Variants in OVOL2 observed in about 807,000 individuals in gnomAD.
The protein encoded by OVOL2 is ovo like zinc finger 2.
OVOL2 carries 13 observed loss-of-function variants against 18.1 expected under a neutral mutation model. The ratio of observed to expected loss-of-function variants is 0.72; its 90% CI spans 0.47 to 1.14. The LOEUF is 1.14. OVOL2 is among the 50% of genes most tolerant of loss of function. The probability of loss-of-function intolerance (pLI) is 0.00; values close to 1 mark genes in which losing one functional copy is unlikely to be tolerated. For missense variants in OVOL2, 335 were observed against 383.0 expected (o/e 0.87, Z 1.05); for synonymous variants, 166 against 162.7 (o/e 1.02, Z -0.16).
intron 2 of OVOL2, among the ~76,000 whole-genome samples, chr20:18,045,512 G>A (rs1200357727): frequency 6.6e-6 from 1 of 152,118 alleles, no homozygotes; most frequent in Non-Finnish European, 1.5e-5. Context: ...ATCTCAAATC[G>A]TCGGTATTAT....
At chr20:18,043,525 AT>A (rs1256879862) in intron 2 of OVOL2, among the ~76,000 whole-genome samples, 1 of 152,166 alleles carries the variant, frequency 6.6e-6, no homozygotes, top group African/African-American at 2.4e-5. Flanking sequence ...ATAAAGCCTG[AT>A]TGGACTCTCC....
At chr20:18,054,558 C>T (rs2036799458) in intron 2 of OVOL2, among the ~76,000 whole-genome samples, 1 of 152,092 alleles carries the variant, frequency 6.6e-6, no homozygotes, top group South Asian at 2.1e-4. Flanking sequence ...GGCTGACCAA[C>T]ATGGAGAAAC....
At chr20:18,039,074 T>C (rs1180113027) in intron 3 of OVOL2, among the ~76,000 whole-genome samples, 1 of 152,164 alleles carries the variant, frequency 6.6e-6, no homozygotes, top group Non-Finnish European at 1.5e-5. Context: ...TGGGATTCCA[T>C]TTACATCAAG....
chr20:18,028,358 G>C (rs1055630262), intron 3 of OVOL2, among the ~76,000 whole-genome samples: 2 of 151,710 alleles, frequency 1.3e-5, no homozygotes, highest in African/African-American at 4.8e-5. Context: ...TTTATTTTTA[G>C]TAGAGAAGGG....
intron 3 of OVOL2, among the ~76,000 whole-genome samples, chr20:18,031,198 C>T (rs2122693040): frequency 6.6e-6 from 1 of 152,332 alleles, no homozygotes; most frequent in South Asian, 2.1e-4. Context: ...GGATCTGCTG[C>T]TTATTAACTG....
chr20:18,052,192 G>T (rs564104227), intron 2 of OVOL2, among the ~76,000 whole-genome samples: 1 of 152,196 alleles, frequency 6.6e-6, no homozygotes, highest in South Asian at 2.1e-4. Context: ...AGACTGTTGG[G>T]GACTCTACAA....
At chr20:18,049,559 C>G (rs900977884) in intron 2 of OVOL2, among the ~76,000 whole-genome samples, 4 of 150,366 alleles carry the variant, frequency 2.7e-5, no homozygotes, top group South Asian at 2.1e-4. Context: ...ATTCCCCCCC[C>G]GATCCTATGT....
chr20:18,041,339 A>C (rs975014295), intron 3 of OVOL2, among the ~76,000 whole-genome samples, 195 bp downstream of exon 3: 2 of 151,780 alleles, frequency 1.3e-5, no homozygotes, highest in Admixed American at 1.3e-4. Context: ...ATTTTTTTGT[A>C]TTTTTAGTAG....
At chr20:18,036,928 A>C (rs981873076) in intron 3 of OVOL2, among the ~76,000 whole-genome samples, 1 of 152,020 alleles carries the variant, frequency 6.6e-6, no homozygotes, top group African/African-American at 2.4e-5. Flanking sequence ...CGAGGTCAGG[A>C]GATCGAGACC....
At position 18,037,135 on chromosome 20, in the gene OVOL2, C is replaced by CAA. The variant is rs762848266; in HGVS notation, c.511+4397_511+4398dup. Among the ~76,000 whole-genome samples the CAA allele has an allele frequency of 5.3e-3, 390 of 73,342 alleles. 6 individuals carry two copies. Among genetic ancestry groups the CAA allele is most frequent in the African/African-American group, 0.017 (361 of 21,600 alleles). The allele number at this position is 73,342 out of a possible 152,430, so 48.1% of individuals were successfully genotyped here. On this transcript the variant is annotated intron_variant, in intron 3 of 3. Transcript: ENST00000278780. ...TGGGCGACAGAGCGAGACTCCGTCT[C>CAA]AAAAAAAAAAAAAAAAAAGAAAGAA... is the stretch of plus-strand genomic sequence containing the variant.
Position 18,024,930 on chromosome 20 carries a change from G to A in OVOL2, c.534C>T (p.Asn178=), listed in dbSNP as rs143621551. The part of the protein sequence containing the change: ...THTGIRPYKC[N]VCNKAFTQRC... ...GCTGGGTGAAGGCTTTATTGCAGAC[G>A]TTGCATTTGTAGGGACGAATGCCTG... The change falls in exon 4 of 4, where the codon AAC becomes AAT. Residue 178 remains asparagine (N), a synonymous_variant. Transcript: ENST00000278780. 146 of 1,612,464 alleles carry A rather than the reference G, an allele frequency of 9.1e-5. No homozygotes were observed. In the African/African-American group the frequency reaches 1.6e-3, roughly 18 times the overall value.
At chr20:18,036,860 G>C (rs889275350) in intron 3 of OVOL2, among the ~76,000 whole-genome samples, 9 of 152,166 alleles carry the variant, frequency 5.9e-5, no homozygotes, top group Non-Finnish European at 1.3e-4. Flanking sequence ...CAACAGGCCG[G>C]GCGCGGTGGC....
At chr20:18,037,830 G>T (rs2036631123) in intron 3 of OVOL2, among the ~76,000 whole-genome samples, 1 of 152,130 alleles carries the variant, frequency 6.6e-6, no homozygotes, top group African/African-American at 2.4e-5. Flanking sequence ...GCTTTTATTG[G>T]CTGTCTTCCC....
intron 3 of OVOL2, among the ~76,000 whole-genome samples, chr20:18,040,341 G>A (rs557956596): frequency 3.7e-4 from 57 of 152,278 alleles, no homozygotes; most frequent in African/African-American, 1.3e-3. Context: ...GAGATGGGCT[G>A]ATCTGAGGTG....
chr20:18,034,159 C>T (rs967687668), intron 3 of OVOL2, among the ~76,000 whole-genome samples: 1 of 152,128 alleles, frequency 6.6e-6, no homozygotes, highest in Admixed American at 6.6e-5. Flanking sequence ...AGTGCATGTC[C>T]CCAGCTGTCG....
intron 3 of OVOL2, among the ~76,000 whole-genome samples, chr20:18,027,517 G>A (rs189842939): frequency 1.9e-4 from 23 of 119,506 alleles, no homozygotes; most frequent in African/African-American, 7.1e-4. Flanking sequence ...AACAGAGCGC[G>A]ACTCCGTCTC....
upstream of OVOL2, chr20:18,057,947 G>C: frequency 8.8e-7 from 1 of 1,138,216 alleles, no homozygotes; most frequent in Non-Finnish European, 1.1e-6. This position sits in a 1 kb window ranked among gnomAD's most constrained non-coding sequence, Gnocchi z 6.3. Context: ...CAACATAACG[G>C]TGTCAACAAG....
chr20:18,047,557 G>T (rs1246209122), intron 2 of OVOL2, among the ~76,000 whole-genome samples: 1 of 147,130 alleles, frequency 6.8e-6, no homozygotes, highest in African/African-American at 2.5e-5. Context: ...CTGTCTCTTA[G>T]AAATAAATGA....
At chr20:18,026,617 G>A (rs2036520734) in intron 3 of OVOL2, among the ~76,000 whole-genome samples, 1 of 152,126 alleles carries the variant, frequency 6.6e-6, no homozygotes, top group Non-Finnish European at 1.5e-5. Context: ...TCCTGACCTT[G>A]TGATCTGCCC....
Sources: gnomAD v4.1 joint callset for allele counts (sites outside exome capture counted in the v4.1 genomes callset) on GRCh38, gnomAD v4.1.1 for gene constraint, Gnocchi (gnomAD v3.1) non-coding constraint, MANE v1.5 for transcripts, NCBI Gene and HGNC (gene_info 2026-07-23, HGNC 2026-07-21) for gene names.